The following SNAI3 variants were observed in gnomAD, a reference collection of about 807,000 sequenced individuals.
SNAI3 encodes zinc finger protein SNAI3.
In SNAI3, 21 loss-of-function variants were observed where a neutral mutation model predicts 16.4. That is an observed-to-expected ratio of 1.28 (90% CI 0.91 to 1.85). The LOEUF is 1.85. SNAI3 is among the 40% of genes most tolerant of loss of function. SNAI3 has a pLI of 0.00. For missense variants in SNAI3, 457 were observed against 372.8 expected (o/e 1.23, Z -1.86); for synonymous variants, 202 against 166.6 (o/e 1.21, Z -1.64).
At chr16:88,680,275 ATTTT>A (rs560411217) in intron 2 of SNAI3, among the ~76,000 whole-genome samples, 73 of 55,096 alleles carry the variant, frequency 1.3e-3, no homozygotes, top group African/African-American at 5.5e-3. Context: ...TATGTTTTTG[ATTTT>A]TTTTTTTTTT....
At chr16:88,678,944 G>A in intron 2 of SNAI3, 1 of 985,412 alleles carries the variant, frequency 1.0e-6, no homozygotes, top group Non-Finnish European at 1.2e-6. Context: ...CAGGCAAGTG[G>A]GGGGGTCTGG....
chr16:88,685,974 G>A (rs1909345949), intron 1 of SNAI3: 1 of 175,896 alleles, frequency 5.7e-6, no homozygotes, highest in Non-Finnish European at 1.2e-5. Context: ...CCAAACGTGT[G>A]CGCCAGGAAG....
At chr16:88,685,389 A>T (rs982753667) in intron 1 of SNAI3, 13 of 152,182 alleles carry the variant, frequency 8.5e-5, no homozygotes, top group African/African-American at 3.1e-4. Context: ...CTGAGCTGGG[A>T]TAAAGGCCTC....
chr16:88,680,118 G>C (rs1486710132), intron 2 of SNAI3, among the ~76,000 whole-genome samples: 1 of 150,362 alleles, frequency 6.7e-6, no homozygotes, highest in African/African-American at 2.4e-5. Flanking sequence ...GAACCTTTGG[G>C]CCTGATGTGG....
At chr16:88,682,335 C>T (rs1909202672) in intron 1 of SNAI3, among the ~76,000 whole-genome samples, 1 of 152,276 alleles carries the variant, frequency 6.6e-6, no homozygotes, top group Non-Finnish European at 1.5e-5. Context: ...AGCTGAGCCA[C>T]ATGGCTGGGG....
chr16:88,679,093 G>A (rs1909073670), intron 2 of SNAI3: 1 of 985,414 alleles, frequency 1.0e-6, no homozygotes, highest in Non-Finnish European at 1.2e-6. Context: ...GTAAAGGGAA[G>A]TGTGACTGGG....
chr16:88,682,094 G>T (rs1056101134), intron 1 of SNAI3, among the ~76,000 whole-genome samples: 2 of 152,182 alleles, frequency 1.3e-5, no homozygotes, highest in African/African-American at 4.8e-5. Flanking sequence ...ACCCACCTCT[G>T]GAGGGGTCCC....
Position 88,681,396 on chromosome 16 carries a change from CGGTCTGGGCCCAA to C in SNAI3, c.382_394del (p.Leu128GlyfsTer301). ...AAGCAGTTTTTCCGGAGCCCCGTGC[CGGTCTGGGCCCAA>C]GGTCGGGGACCACCGTGTGGGCAGC... On this transcript the variant is annotated frameshift_variant, in exon 2 of 3. Transcript: ENST00000332281. LOFTEE classifies it high-confidence loss of function. This position sits in a 1 kb window ranked among gnomAD's most constrained non-coding sequence, Gnocchi z 5.4. 2 of 1,612,174 alleles carry C rather than the reference CGGTCTGGGCCCAA, an allele frequency of 1.2e-6. No individual in the cohort carries two copies.
chr16:88,678,776 G>A (rs1909063912), intron 2 of SNAI3, 147 bp from the exon 3 acceptor site: 7 of 1,431,170 alleles, frequency 4.9e-6, no homozygotes, highest in Non-Finnish European at 5.5e-6. Context: ...TGGGGACGGG[G>A]TGGCACGCCA....
intron 1 of SNAI3, among the ~76,000 whole-genome samples, chr16:88,684,468 G>A (rs184531334): frequency 1.6e-4 from 25 of 152,238 alleles, no homozygotes; most frequent in Admixed American, 2.6e-4. Flanking sequence ...TTCATGCTGC[G>A]GTCCAGATCC....
In SNAI3 at chr16:88,681,517, C is replaced by G. The variant is rs200516661; in HGVS notation, c.274G>C (p.Glu92Gln). ...ASGLDALEVSEVDPRASRAAI... is the reference protein window; with the variant it reads ...ASGLDALEVSQVDPRASRAAI... ...GCCCGGCTGGCCCGAGGGTCGACCT[C>G]GCTGACTTCCAAGGCGTCCAGCCCA... The change falls in exon 2 of 3, where the codon GAG becomes CAG. Residue 92 changes from glutamate (E) to glutamine (Q), a missense_variant. Glu to Gln is a conservative substitution (Grantham distance 29). Coordinates refer to ENST00000332281, the MANE Select transcript of SNAI3 (RefSeq NM_178310.4). This position sits in a 1 kb window ranked among gnomAD's most constrained non-coding sequence, Gnocchi z 5.4. The G allele has an allele frequency of 4.6e-6, 7 of 1,536,834 alleles. No homozygotes were observed.
At position 88,678,614 on chromosome 16, in the gene SNAI3, G is replaced by T; in HGVS notation, c.713C>A (p.Ala238Asp). 1 of 1,212,550 alleles carries T rather than the reference G, an allele frequency of 8.2e-7. No homozygotes were observed. 75.1% of individuals were successfully genotyped at this position (1,212,550 alleles called of 1,614,324 possible). Residue 238 changes from alanine (A) to aspartate (D), a missense_variant, in exon 3 of 3, where the codon GCC (alanine) becomes GAC (aspartate). Physicochemically the swap from Ala to Asp is moderately radical, Grantham distance 126 (BLOSUM62 -2). Transcript: ENST00000332281. ...VRTHTGEKPY[A>D]CSHCSRAFAD... The stretch of plus-strand genomic sequence containing the variant: ...AAAGGCCCTGCTGCAGTGCGAGCAG[G>T]CATAGGGCTTCTCCCCTGTGGGAGG...
At position 88,678,589 on chromosome 16, in the gene SNAI3, A is replaced by T. The variant is rs1443227554; in HGVS notation, c.738T>A (p.Phe246Leu). Reference sequence around the variant, plus strand: ...GGGCCCGAAGGTTGGAGCGGTCGGCAAAGGCCCTGCTGCAGTGCGAGCAGG... The same window carrying T: ...GGGCCCGAAGGTTGGAGCGGTCGGCTAAGGCCCTGCTGCAGTGCGAGCAGG... ...PYACSHCSRA[F>L]ADRSNLRAHL... is the part of the protein sequence containing the mutation. Residue 246 changes from phenylalanine to leucine, a missense_variant, in exon 3 of 3, where the codon TTT becomes TTA. By Grantham distance (22) the Phe-to-Leu change is conservative (BLOSUM62 0). Transcript: ENST00000332281. 9.7e-7 allele frequency: 1 copy of T among 1,033,424 alleles called. No individual in the cohort carries two copies. The highest frequency in any genetic ancestry group is 2.4e-5 in the East Asian group (1 of 42,362). 64.0% of individuals were successfully genotyped at this position (1,033,424 alleles called of 1,614,324 possible).
rs1265959903 is a variant in SNAI3, at chr16:88,678,076, C to A, written c.*372G>T. 3 of 215,656 alleles carry A rather than the reference C, an allele frequency of 1.4e-5. No individual in the cohort carries two copies. The highest frequency in any genetic ancestry group is 1.1e-4 in the Admixed American group (2 of 18,040). The allele number at this position is 215,656 out of a possible 1,614,324, so 13.4% of individuals were successfully genotyped here. A position where few individuals can be genotyped will look rare whatever the true frequency, so the allele number is the denominator to read the frequency against. Reference sequence around the variant, plus strand: ...TTCTGCTGCAATGGAACTAGGCAGCCTTGCCAGCCATCCGGCGGCAGTGCC... The same window carrying A: ...TTCTGCTGCAATGGAACTAGGCAGCATTGCCAGCCATCCGGCGGCAGTGCC... On this transcript the variant is annotated 3_prime_UTR_variant, in exon 3 of 3. Transcript: ENST00000332281.
Position 88,678,766 on chromosome 16 carries a change from T to G in SNAI3, c.698-137A>C. On this transcript the variant is annotated intron_variant, in intron 2 of 2. Transcript: ENST00000332281. ...CCAGAGCACCCAAGGTTGAGCTGTGTGGGGACGGGGTGGCACGCCACATCA... is the reference window on the plus strand; with the variant it reads ...CCAGAGCACCCAAGGTTGAGCTGTGGGGGGACGGGGTGGCACGCCACATCA... 3.5e-6 allele frequency: 5 copies of G among 1,438,038 alleles called. No homozygotes were observed. The Middle Eastern group carries it at 1.0e-3, about 290-fold the overall frequency. The allele number at this position is 1,438,038 out of a possible 1,614,324, so 89.1% of individuals were successfully genotyped here.
chr16:88,686,492 A>G lies in SNAI3; in HGVS notation c.-86T>C. 1.9e-5 allele frequency: 30 copies of G among 1,553,588 alleles called. No individual in the cohort carries two copies. The highest frequency in any genetic ancestry group is 2.6e-5 in the Non-Finnish European group (30 of 1,156,762). On this transcript the variant is annotated 5_prime_UTR_variant, in exon 1 of 3. Transcript: ENST00000332281. ...GACTGCTGCGTCCGCCGGCGCTTGA[A>G]GGGGTCAGGCTCATTAGCATAGCGC...
At chr16:88,682,557 C>G (rs1410726161) in intron 1 of SNAI3, among the ~76,000 whole-genome samples, 1 of 152,202 alleles carries the variant, frequency 6.6e-6, no homozygotes, top group African/African-American at 2.4e-5. Flanking sequence ...CTTTCTTACT[C>G]TATATGTGTT....
At chr16:88,683,120 C>T (rs543220194) in intron 1 of SNAI3, among the ~76,000 whole-genome samples, 14 of 125,300 alleles carry the variant, frequency 1.1e-4, no homozygotes, top group Non-Finnish European at 2.1e-4. Context: ...GAGTCTTGCT[C>T]TGTCTCCCAG....
intron 2 of SNAI3, among the ~76,000 whole-genome samples, chr16:88,679,586 C>T (rs1223630631): frequency 1.3e-5 from 2 of 149,148 alleles, no homozygotes; most frequent in African/African-American, 5.0e-5. Flanking sequence ...ATGGTGAAAA[C>T]CCCATCTCTA....
Sources: allele counts gnomAD v4.1 joint callset (sites outside exome capture counted in the v4.1 genomes callset), GRCh38; gene constraint gnomAD v4.1.1; non-coding constraint Gnocchi (gnomAD v3.1); transcripts MANE v1.5; gene names NCBI Gene and HGNC (gene_info 2026-07-23, HGNC 2026-07-21).